The following MGAT4C variants were observed in gnomAD, a reference collection of about 807,000 sequenced individuals.
The protein encoded by MGAT4C is MGAT4 family member C.
A neutral mutation model predicts 40.1 loss-of-function variants in MGAT4C; 19 were observed. The ratio of observed to expected loss-of-function variants is 0.47; its 90% CI spans 0.33 to 0.70. MGAT4C has a LOEUF of 0.70. MGAT4C is among the 30% of genes least tolerant of loss of function. MGAT4C has a pLI of 0.02. For synonymous variants in MGAT4C, 181 were observed against 187.1 expected (o/e 0.97, Z 0.27); for missense variants, 491 against 563.2 (o/e 0.87, Z 1.30).
chr12:86,577,230 A>G (rs1219632639), intron 2 of MGAT4C, among the ~76,000 whole-genome samples: 2 of 151,876 alleles, frequency 1.3e-5, no homozygotes, highest in Admixed American at 1.3e-4. Context: ...TTTTCCAAAT[A>G]TAAGATCATA....
chr12:86,094,927 C>G (rs7958111), intron 1 of MGAT4C, among the ~76,000 whole-genome samples: 1,904 of 152,098 alleles, frequency 0.013, 20 homozygotes, highest in Middle Eastern at 0.034. Context: ...GAGTAGAGGC[C>G]AAGATAGCTG....
At chr12:86,424,640 C>T (rs1956891231) in intron 3 of MGAT4C, among the ~76,000 whole-genome samples, 1 of 152,074 alleles carries the variant, frequency 6.6e-6, no homozygotes, top group African/African-American at 2.4e-5. Flanking sequence ...TGAATAGCAT[C>T]TGCATTATAA....
intron 3 of MGAT4C, among the ~76,000 whole-genome samples, chr12:86,386,510 A>G (rs1295481058): frequency 6.6e-6 from 1 of 152,234 alleles, no homozygotes; most frequent in Non-Finnish European, 1.5e-5. Flanking sequence ...AGGACTTCAC[A>G]ATCACAGTTG....
intron 2 of MGAT4C, among the ~76,000 whole-genome samples, chr12:86,487,665 T>C (rs1958045662): frequency 2.0e-5 from 3 of 152,194 alleles, no homozygotes; most frequent in Admixed American, 1.3e-4. Flanking sequence ...CATTTTAAGG[T>C]AATTTGACTT....
intron 2 of MGAT4C, among the ~76,000 whole-genome samples, chr12:86,545,147 C>G (rs1959186738): frequency 6.6e-6 from 1 of 152,010 alleles, no homozygotes; most frequent in African/African-American, 2.4e-5. Context: ...TTCCTTTCAA[C>G]AGCCACCCTC....
chr12:86,341,854 A>G (rs1954912267), intron 3 of MGAT4C, among the ~76,000 whole-genome samples: 1 of 152,130 alleles, frequency 6.6e-6, no homozygotes, highest in African/African-American at 2.4e-5. Flanking sequence ...AGACATCTGA[A>G]TTGCCCTAGG....
At chr12:86,157,640 TACAATTCC>T (rs1168833808) in intron 1 of MGAT4C, among the ~76,000 whole-genome samples, 28 of 152,268 alleles carry the variant, frequency 1.8e-4, no homozygotes, top group Non-Finnish European at 2.9e-4. Context: ...TTAATTGATG[TACAATTCC>T]ACATGGTTTT....
chr12:86,356,065 C>T (rs1028321783), intron 3 of MGAT4C, among the ~76,000 whole-genome samples: 1 of 151,938 alleles, frequency 6.6e-6, no homozygotes, highest in African/African-American at 2.4e-5. Flanking sequence ...ACGCTACATA[C>T]AGAGTGAAAA....
At chr12:86,321,649 T>C (rs979941105) in intron 4 of MGAT4C, among the ~76,000 whole-genome samples, 4 of 152,186 alleles carry the variant, frequency 2.6e-5, no homozygotes, top group Non-Finnish European at 5.9e-5. Context: ...AGTTATACTT[T>C]TTTAAAAATC....
intron 2 of MGAT4C, among the ~76,000 whole-genome samples, chr12:86,694,020 A>G (rs779532985): frequency 3.9e-5 from 6 of 152,176 alleles, no homozygotes; most frequent in Non-Finnish European, 7.4e-5. Context: ...TATAAATCCA[A>G]AGCAAAATAA....
chr12:86,200,752 T>C (rs148099011), intron 1 of MGAT4C, among the ~76,000 whole-genome samples: 24 of 152,280 alleles, frequency 1.6e-4, no homozygotes, highest in African/African-American at 5.3e-4. Flanking sequence ...CCAATATCCA[T>C]ATGTTGAGAC....
intron 1 of MGAT4C, among the ~76,000 whole-genome samples, chr12:86,805,318 C>G (rs569061104): frequency 1.3e-5 from 2 of 151,896 alleles, no homozygotes; most frequent in African/African-American, 4.8e-5. Flanking sequence ...TCATATCACC[C>G]AGGTACTGAG....
intron 1 of MGAT4C, among the ~76,000 whole-genome samples, chr12:86,764,985 C>A (rs1951478082): frequency 6.6e-6 from 1 of 152,198 alleles, no homozygotes; most frequent in African/African-American, 2.4e-5. Flanking sequence ...GAACGCAGTT[C>A]CTCACCAGCA....
chr12:86,058,396 A>C lies in MGAT4C; in HGVS notation c.-56-8673T>G, dbSNP rs144725178. 3.8e-3 allele frequency among the ~76,000 whole-genome samples: 580 copies of C among 152,252 alleles called. 2 individuals carry two copies. The highest frequency in any genetic ancestry group is 0.014 in the African/African-American group (566 of 41,576). ...CTCATGACTTCTTTCAGCAAGAAAA[A>C]TGAACTCAATATTATGCTAATAGTA... On this transcript the variant is annotated intron_variant, in intron 1 of 4. Coordinates refer to ENST00000611864, the MANE Select transcript of MGAT4C (RefSeq NM_001351288.2).
At chr12:86,305,879 T>TA (rs551841203) in intron 4 of MGAT4C, among the ~76,000 whole-genome samples, 98 of 150,714 alleles carry the variant, frequency 6.5e-4, no homozygotes, top group Non-Finnish European at 8.4e-4. Context: ...AGGGATGCGA[T>TA]ATCAGTGGAT....
At chr12:86,028,630 T>C (rs1430702555) in intron 2 of MGAT4C, among the ~76,000 whole-genome samples, 2 of 151,916 alleles carry the variant, frequency 1.3e-5, no homozygotes, top group Non-Finnish European at 2.9e-5. Flanking sequence ...CAAAGCCATC[T>C]CTTTAATTAA....
chr12:86,421,602 C>T (rs1226325417), intron 3 of MGAT4C, among the ~76,000 whole-genome samples: 1 of 151,984 alleles, frequency 6.6e-6, no homozygotes, highest in East Asian at 1.9e-4. Context: ...CTAGAGAAAC[C>T]CCGTCTCTAC....
intron 3 of MGAT4C, among the ~76,000 whole-genome samples, chr12:86,433,357 C>CAT (rs36089495): frequency 0.64 from 95,478 of 150,082 alleles, 31,035 homozygotes; most frequent in South Asian, 0.77. Flanking sequence ...TGTGTGTGTG[C>CAT]ATATATATAT....
Position 86,203,918 on chromosome 12 carries a change from T to C in MGAT4C, c.-57+52321A>G, listed in dbSNP as rs11103885. 7.8e-3 allele frequency among the ~76,000 whole-genome samples: 1,159 copies of C among 148,294 alleles called. 21 individuals carry two copies. Among genetic ancestry groups the C allele is most frequent in the African/African-American group, 0.028 (1,111 of 40,328 alleles). ...GTTGCAGTGAGCGGAGATCGCGCCA[T>C]TGCACTCCAGCCTGGGCAACGAGAG... On this transcript the variant is annotated intron_variant, in intron 1 of 4. Transcript: ENST00000611864.
Sources: gnomAD v4.1 joint callset for allele counts (sites outside exome capture counted in the v4.1 genomes callset) on GRCh38, gnomAD v4.1.1 for gene constraint, MANE v1.5 for transcripts, NCBI Gene and HGNC (gene_info 2026-07-23, HGNC 2026-07-21) for gene names.